The following PGBD5 variants were observed in gnomAD, a reference collection of about 807,000 sequenced individuals.
PGBD5 encodes piggyBac transposable element-derived protein 5.
PGBD5 carries 14 observed loss-of-function variants against 47.9 expected under a neutral mutation model. The observed-to-expected ratio is 0.29, with a 90% CI of 0.19 to 0.46. The LOEUF (loss-of-function observed/expected upper bound fraction) is 0.46. Among genes scored for constraint, PGBD5 ranks in the 20% least tolerant of loss-of-function variants. The pLI is 1.00. For missense variants in PGBD5, 635 were observed against 716.0 expected (o/e 0.89, Z 1.29); for synonymous variants, 316 against 306.3 (o/e 1.03, Z -0.33).
chr1:230,393,124 AAAG>A (rs1656830539), intron 1 of PGBD5, among the ~76,000 whole-genome samples: 1 of 140,792 alleles, frequency 7.1e-6, no homozygotes, highest in African/African-American at 2.6e-5. Context: ...GAAGGGGAAA[AAAG>A]AAGGGTAGGG....
At chr1:230,337,574 C>G (rs898188709) in intron 3 of PGBD5, among the ~76,000 whole-genome samples, 1 of 152,142 alleles carries the variant, frequency 6.6e-6, no homozygotes, top group African/African-American at 2.4e-5. Context: ...ATACATTCCC[C>G]GGCTTTCAAA....
chr1:230,357,462 C>T lies in PGBD5; in HGVS notation c.332-141G>A, dbSNP rs967662253. On this transcript the variant is annotated intron_variant, in intron 1 of 6. Transcript: ENST00000391860. The surrounding 1 kb of genome is among the most constrained non-coding windows in gnomAD (Gnocchi z 5.7). ...CAGTGCTACCGCCTTCCCCTCCAAC[C>T]TTCCAGAAGCTGCTGCAACCACCTG... is the stretch of plus-strand genomic sequence containing the variant. 5.6e-6 allele frequency: 5 copies of T among 886,694 alleles called. No individual in the cohort carries two copies. The East Asian group carries it at 8.0e-5, about 14-fold the overall frequency. The allele number at this position is 886,694 out of a possible 1,614,324, so 54.9% of individuals were successfully genotyped here.
intron 1 of PGBD5, among the ~76,000 whole-genome samples, chr1:230,407,704 C>T (rs1425394413): frequency 6.6e-6 from 1 of 152,142 alleles, no homozygotes; most frequent in Non-Finnish European, 1.5e-5. Flanking sequence ...GAGATGCAGA[C>T]AGAAGTTCAA....
At position 230,315,910 on chromosome 1, in the gene PGBD5, G is replaced by GTGTA. The variant is rs1666930909; in HGVS notation, c.*7514_*7515insTACA. On this transcript the variant is annotated 3_prime_UTR_variant, in exon 7 of 7. Transcript: ENST00000391860. The stretch of plus-strand genomic sequence containing the variant: ...TACATATTTATGTGTACACATATAT[G>GTGTA]TATATGTGTATATGTGTACACATAT... The GTGTA allele has an allele frequency of 7.0e-6, 1 of 142,316 alleles. No individual in the cohort carries two copies. Among genetic ancestry groups the GTGTA allele is most frequent in the Non-Finnish European group, 1.5e-5 (1 of 66,312 alleles). 8.8% of individuals were successfully genotyped at this position (142,316 alleles called of 1,614,324 possible).
chr1:230,392,904 A>C (rs1425360809), intron 1 of PGBD5, among the ~76,000 whole-genome samples: 1 of 151,902 alleles, frequency 6.6e-6, no homozygotes, highest in Admixed American at 6.6e-5. Flanking sequence ...CAGCAGGAGC[A>C]GACAGCTCTC....
chr1:230,323,677 C>T lies in PGBD5; in HGVS notation c.1380-57G>A. ...CGATGGTTCATGGCACCCGGAGATG[C>T]ATCCCAAAGGCCCCCCCTCACCACA... On this transcript the variant is annotated intron_variant, in intron 6 of 6. Transcript: ENST00000391860. This position sits in a 1 kb window ranked among gnomAD's most constrained non-coding sequence, Gnocchi z 4.1. The T allele has an allele frequency of 6.7e-7, 1 of 1,497,220 alleles. No homozygotes were observed. 92.7% of individuals were successfully genotyped at this position (1,497,220 alleles called of 1,614,324 possible). A position where few individuals can be genotyped will look rare whatever the true frequency, so the allele number is the denominator to read the frequency against.
At chr1:230,349,121 C>T (rs531127713) in intron 3 of PGBD5, among the ~76,000 whole-genome samples, 315 of 152,332 alleles carry the variant, frequency 2.1e-3, no homozygotes, top group Non-Finnish European at 3.5e-3. Flanking sequence ...AGAGAGAGAT[C>T]TGTGGCCTTG....
intron 1 of PGBD5, among the ~76,000 whole-genome samples, chr1:230,359,095 T>C (rs1667703962): frequency 6.6e-6 from 1 of 152,064 alleles, no homozygotes; most frequent in South Asian, 2.1e-4. Flanking sequence ...AGATGGAGTC[T>C]CTGTCACCCA....
At chr1:230,403,871 A>G (rs992337585) in intron 1 of PGBD5, among the ~76,000 whole-genome samples, 1 of 152,336 alleles carries the variant, frequency 6.6e-6, no homozygotes, top group Non-Finnish European at 1.5e-5. Flanking sequence ...CACCCCCAGA[A>G]AGAGGGAGCT....
rs368046165 is a variant in PGBD5, at chr1:230,321,276, C to T, written c.*2149G>A. ...TTGAGACACCAAGAACAGTTAATAT[C>T]ATACACACCAGATTATATAACAAAA... On this transcript the variant is annotated 3_prime_UTR_variant, in exon 7 of 7. Coordinates refer to ENST00000391860, the MANE Select transcript of PGBD5 (RefSeq NM_001258311.2). 2.0e-5 allele frequency: 3 copies of T among 152,298 alleles called. No homozygotes were observed. The highest frequency in any genetic ancestry group is 3.9e-4 in the East Asian group (2 of 5,194). The allele number at this position is 152,298 out of a possible 1,614,324, so 9.4% of individuals were successfully genotyped here.
chr1:230,416,349 C>T (rs949885697), intron 1 of PGBD5, among the ~76,000 whole-genome samples: 1 of 152,134 alleles, frequency 6.6e-6, no homozygotes, highest in African/African-American at 2.4e-5. Context: ...TTTACCGGCA[C>T]CGAATCCCGT....
At chr1:230,385,571 C>T (rs1656616895) in intron 1 of PGBD5, among the ~76,000 whole-genome samples, 1 of 152,024 alleles carries the variant, frequency 6.6e-6, no homozygotes, top group Non-Finnish European at 1.5e-5. Flanking sequence ...TTAGAGCACA[C>T]AAAGGTGACT....
At position 230,425,855 on chromosome 1, in the gene PGBD5, C is replaced by T. The variant is rs1470897936; in HGVS notation, c.74G>A (p.Ser25Asn). Residue 25 changes from serine to asparagine, a missense_variant, in exon 1 of 7, where the codon AGC becomes AAC. By Grantham distance (46) the Ser-to-Asn change is conservative. Transcript: ENST00000391860. The surrounding 1 kb of genome is among the most constrained non-coding windows in gnomAD (Gnocchi z 4.7). Reference sequence around the variant, plus strand: ...GAACACGTCGTCCGAGATGTGCAGGCTCTCGTAGCGCGCGCGGGCAGCCTC... The same window carrying T: ...GAACACGTCGTCCGAGATGTGCAGGTTCTCGTAGCGCGCGCGGGCAGCCTC... ...LLEAARARYE[S>N]LHISDDVFGE... 6 of 1,199,444 alleles carry T rather than the reference C, an allele frequency of 5.0e-6. No homozygotes were observed. Among genetic ancestry groups the T allele is most frequent in the Non-Finnish European group, 6.2e-6 (6 of 967,596 alleles). 74.3% of individuals were successfully genotyped at this position (1,199,444 alleles called of 1,614,324 possible).
At chr1:230,392,784 G>A (rs1053773825) in intron 1 of PGBD5, among the ~76,000 whole-genome samples, 3 of 152,128 alleles carry the variant, frequency 2.0e-5, no homozygotes, top group South Asian at 4.1e-4. Context: ...TTGGCTCTCC[G>A]GCCTGGGAAG....
At position 230,320,762 on chromosome 1, in the gene PGBD5, T is replaced by A. The variant is rs954822505; in HGVS notation, c.*2663A>T. The A allele has an allele frequency of 2.0e-5, 3 of 152,196 alleles. No individual in the cohort carries two copies. Among genetic ancestry groups the A allele is most frequent in the Admixed American group, 6.5e-5 (1 of 15,282 alleles). The allele number at this position is 152,196 out of a possible 1,614,324, so 9.4% of individuals were successfully genotyped here. ...ACTAGAGTCACTCCAAAAAGCCACT[T>A]TGAATCACATCTCTAAGGCAAGGTC... On this transcript the variant is annotated 3_prime_UTR_variant, in exon 7 of 7. Coordinates refer to ENST00000391860, the MANE Select transcript of PGBD5 (RefSeq NM_001258311.2).
chr1:230,392,403 G>C (rs1656807482), intron 1 of PGBD5, among the ~76,000 whole-genome samples: 1 of 152,250 alleles, frequency 6.6e-6, no homozygotes, highest in African/African-American at 2.4e-5. Context: ...CGGCTGATGA[G>C]CCCCAGGCTT....
chr1:230,380,151 A>G (rs1668074408), intron 1 of PGBD5, among the ~76,000 whole-genome samples: 1 of 152,222 alleles, frequency 6.6e-6, no homozygotes, highest in Admixed American at 6.5e-5. Context: ...AAAGGCAGAT[A>G]GGAGGCCAGC....
At chr1:230,413,228 G>A (rs899817712) in intron 1 of PGBD5, among the ~76,000 whole-genome samples, 7 of 152,198 alleles carry the variant, frequency 4.6e-5, no homozygotes, top group East Asian at 1.9e-4. Flanking sequence ...GTGGCATGCC[G>A]CTCAGAACTC....
intron 1 of PGBD5, among the ~76,000 whole-genome samples, chr1:230,380,541 G>A (rs1245889215): frequency 6.6e-6 from 1 of 152,174 alleles, no homozygotes; most frequent in Non-Finnish European, 1.5e-5. Context: ...CTCTCCAAGT[G>A]GACATAAGCA....
Sources: allele counts gnomAD v4.1 joint callset (sites outside exome capture counted in the v4.1 genomes callset), GRCh38; gene constraint gnomAD v4.1.1; non-coding constraint Gnocchi (gnomAD v3.1); transcripts MANE v1.5; gene names NCBI Gene and HGNC (gene_info 2026-07-23, HGNC 2026-07-21).